Variants in SKI observed in about 807,000 individuals in gnomAD.
The protein encoded by SKI is ski oncogene.
In SKI, 23 loss-of-function variants were observed where a neutral mutation model predicts 59.3. The ratio of observed to expected loss-of-function variants is 0.39; its 90% confidence interval spans 0.28 to 0.55. The LOEUF (loss-of-function observed/expected upper bound fraction) is 0.55. SKI is among the 20% of genes least tolerant of loss of function. The pLI is 0.67. For synonymous variants in SKI, 673 were observed against 488.6 expected (o/e 1.38, Z -4.98); for missense variants, 1,017 against 1,038.9 (o/e 0.98, Z 0.29).
In SKI at chr1:2,309,006, G is replaced by T. The variant is rs534463117; in HGVS notation, c.*2241G>T. 17 of 152,360 alleles carry T rather than the reference G, an allele frequency of 1.1e-4. No homozygotes were observed. In the East Asian group the frequency reaches 2.9e-3, roughly 26 times the overall value. 9.4% of individuals were successfully genotyped at this position (152,360 alleles called of 1,614,324 possible). Reference sequence around the variant, plus strand: ...ACCCTTTCCTGCAGCTGCCAGGCCCGTGCGGTCAGTGGGACCCGGACGTGG... The same window carrying T: ...ACCCTTTCCTGCAGCTGCCAGGCCCTTGCGGTCAGTGGGACCCGGACGTGG... On this transcript the variant is annotated 3_prime_UTR_variant, in exon 7 of 7. Transcript: ENST00000378536.
chr1:2,284,194 C>T (rs1473570225), intron 1 of SKI, among the ~76,000 whole-genome samples: 1 of 152,120 alleles, frequency 6.6e-6, no homozygotes, highest in African/African-American at 2.4e-5. Context: ...GGCTCTGGCC[C>T]CAACACAGCG....
chr1:2,239,471 T>C (rs779256557), intron 1 of SKI, among the ~76,000 whole-genome samples: 10 of 152,192 alleles, frequency 6.6e-5, no homozygotes, highest in Non-Finnish European at 1.2e-4. Context: ...TGAGCTCCCG[T>C]TGGGGGAACG....
At chr1:2,234,234 G>A (rs1005763811) in intron 1 of SKI, among the ~76,000 whole-genome samples, 4 of 152,184 alleles carry the variant, frequency 2.6e-5, no homozygotes, top group Middle Eastern at 3.2e-3. Context: ...GGCTGTGCAC[G>A]GACTGGGGAG....
rs934800829 is a variant in SKI at position 2,243,282 on chromosome 1, T to C, written c.969+13547T>C. The stretch of plus-strand genomic sequence containing the variant: ...ACGGGCTTCGTGACCATGTGCTGGC[T>C]GCACGAGATGTCAGTGTGCTCCGCG... On this transcript the variant is annotated intron_variant, in intron 1 of 6. Transcript: ENST00000378536. Among the ~76,000 whole-genome samples, 5 of 152,270 alleles carry C rather than the reference T, an allele frequency of 3.3e-5. 1 individual carries two copies. Among genetic ancestry groups the C allele is most frequent in the Admixed American group, 3.3e-4 (5 of 15,286 alleles).
At position 2,299,253 on chromosome 1, in the gene SKI, A is replaced by AG. The variant is rs35472917; in HGVS notation, c.970-3716dup. Among the ~76,000 whole-genome samples, 67 of 151,528 alleles carry AG rather than the reference A, an allele frequency of 4.4e-4. 1 individual carries two copies. The highest frequency in any genetic ancestry group is 5.8e-4 in the East Asian group (3 of 5,134). Reference sequence around the variant, plus strand: ...CCGAGTGACTGTCCCTGCCTCGGGGAGGGGGGGGGCCACACGGGCAGGCGG... The same window carrying AG: ...CCGAGTGACTGTCCCTGCCTCGGGGAGGGGGGGGGGCCACACGGGCAGGCGG... On this transcript the variant is annotated intron_variant, in intron 1 of 6. Transcript: ENST00000378536.
At chr1:2,239,365 C>T (rs886452457) in intron 1 of SKI, among the ~76,000 whole-genome samples, 2 of 152,162 alleles carry the variant, frequency 1.3e-5, no homozygotes, top group African/African-American at 4.8e-5. Context: ...ACAAGGTAAA[C>T]CCCCTGGGTT....
intron 1 of SKI, among the ~76,000 whole-genome samples, chr1:2,245,890 A>G (rs1399842291): frequency 1.5e-5 from 2 of 129,730 alleles, no homozygotes; most frequent in African/African-American, 6.0e-5. Context: ...TCCGCCTCCC[A>G]GGTTCAAGTG....
chr1:2,245,559 ACC>A (rs2100814686), intron 1 of SKI, among the ~76,000 whole-genome samples: 3 of 150,816 alleles, frequency 2.0e-5, no homozygotes, highest in African/African-American at 4.9e-5. Context: ...TGCAGCCTCC[ACC>A]TCCTCCTGGG....
chr1:2,249,136 C>G (rs896060664), intron 1 of SKI, among the ~76,000 whole-genome samples: 1 of 152,204 alleles, frequency 6.6e-6, no homozygotes, highest in East Asian at 1.9e-4. Context: ...CCCTGATGGT[C>G]GGCTCTGAGT....
At chr1:2,280,162 G>A (rs1359509104) in intron 1 of SKI, among the ~76,000 whole-genome samples, 1 of 151,560 alleles carries the variant, frequency 6.6e-6, no homozygotes, top group Non-Finnish European at 1.5e-5. Context: ...GAGGTCAGGA[G>A]TTAAAGATTA....
At chr1:2,258,150 G>C (rs1473272704) in intron 1 of SKI, among the ~76,000 whole-genome samples, 1 of 152,252 alleles carries the variant, frequency 6.6e-6, no homozygotes, top group Non-Finnish European at 1.5e-5. Context: ...ACTTTAACCA[G>C]AAGTAATCTT....
intron 1 of SKI, among the ~76,000 whole-genome samples, chr1:2,244,267 C>T (rs908365776): frequency 2.6e-5 from 4 of 151,952 alleles, no homozygotes; most frequent in South Asian, 2.1e-4. Flanking sequence ...CCTGGCCCCT[C>T]CTGACAACTT....
chr1:2,254,451 C>T (rs968264954), intron 1 of SKI, among the ~76,000 whole-genome samples: 3 of 152,206 alleles, frequency 2.0e-5, no homozygotes, highest in South Asian at 2.1e-4. Flanking sequence ...GATTACCGTC[C>T]CTTCCCGAAG....
intron 1 of SKI, among the ~76,000 whole-genome samples, chr1:2,260,535 C>CTT (rs3065260): frequency 0.014 from 962 of 67,728 alleles, 109 homozygotes; most frequent in African/African-American, 0.047. Flanking sequence ...TGTTCTTTTT[C>CTT]TTTTTTTTTT....
Position 2,306,840 on chromosome 1 carries a change from C to T in SKI, c.*75C>T, listed in dbSNP as rs1281951277. 10 of 1,046,578 alleles carry T rather than the reference C, an allele frequency of 9.6e-6. No homozygotes were observed. Among genetic ancestry groups the T allele is most frequent in the Admixed American group, 9.1e-5 (2 of 21,868 alleles). 64.8% of individuals were successfully genotyped at this position (1,046,578 alleles called of 1,614,324 possible). ...CGCGGCTGGGCGGTGCAGCTCCGCC[C>T]GGCTCCGCCCCTGCAGCCCACACAG... On this transcript the variant is annotated 3_prime_UTR_variant, in exon 7 of 7. Coordinates refer to ENST00000378536, the MANE Select transcript of SKI (RefSeq NM_003036.4).
At chr1:2,282,786 C>T (rs1325672242) in intron 1 of SKI, among the ~76,000 whole-genome samples, 4 of 152,228 alleles carry the variant, frequency 2.6e-5, no homozygotes, top group South Asian at 4.2e-4. Context: ...TCGGGGGCGC[C>T]AGTCCTGTCC....
chr1:2,241,762 A>G (rs1036448418), intron 1 of SKI, among the ~76,000 whole-genome samples: 40 of 152,184 alleles, frequency 2.6e-4, no homozygotes, highest in Non-Finnish European at 2.9e-5. Context: ...CAATATCCAC[A>G]TCTAAGGAAT....
intron 1 of SKI, among the ~76,000 whole-genome samples, chr1:2,239,836 G>A (rs1371907798): frequency 1.3e-5 from 2 of 152,216 alleles, no homozygotes; most frequent in Admixed American, 1.3e-4. Flanking sequence ...GTGTGCCTGG[G>A]CAGTGGCGCA....
intron 1 of SKI, among the ~76,000 whole-genome samples, chr1:2,284,570 C>T (rs921037401): frequency 1.3e-5 from 2 of 152,186 alleles, no homozygotes; most frequent in African/African-American, 4.8e-5. Flanking sequence ...GTGGGCTCAC[C>T]CCAGTGGTGT....
Sources: allele counts gnomAD v4.1 joint callset (sites outside exome capture counted in the v4.1 genomes callset), GRCh38; gene constraint gnomAD v4.1.1; transcripts MANE v1.5; gene names NCBI Gene and HGNC (gene_info 2026-07-23, HGNC 2026-07-21).